Variants in STAP1 observed in about 807,000 individuals in gnomAD.
The protein encoded by STAP1 is signal-transducing adaptor protein 1.
A neutral mutation model predicts 37.8 loss-of-function variants in STAP1; 30 were observed. That is an observed-to-expected ratio of 0.79 (90% confidence interval 0.59 to 1.08). The LOEUF (loss-of-function observed/expected upper bound fraction) is 1.08. Ranked by LOEUF, STAP1 falls within the 50% of genes least tolerant of loss-of-function variation. The pLI, the probability that STAP1 is intolerant of heterozygous loss-of-function variation, is 0.00. For missense variants in STAP1, 357 were observed against 349.4 expected, an observed-to-expected ratio of 1.02 and a Z score of -0.17; for synonymous variants, 130 against 116.0, an observed-to-expected ratio of 1.12 and a Z score of -0.78.
chr4:67,604,386 C>T (rs1215865701), intron 8 of STAP1, among the ~76,000 whole-genome samples: 1 of 152,148 alleles, frequency 6.6e-6, no homozygotes, highest in Non-Finnish European at 1.5e-5. Context: ...CTAGTGTAGA[C>T]AGTTGTTTAA....
At position 67,575,493 on chromosome 4, in the gene STAP1, C is replaced by G. The variant is rs1050273148; in HGVS notation, c.301C>G (p.Leu101Val). 1 of 1,606,414 alleles carries G rather than the reference C, an allele frequency of 6.2e-7. No individual in the cohort carries two copies. Among genetic ancestry groups the G allele is most frequent in the Non-Finnish European group, 8.5e-7 (1 of 1,175,818 alleles). The stretch of plus-strand genomic sequence containing the variant: ...TGTTTTGCCGAAAGAGGAAGTACAA[C>G]TGAAGGTGAGCGAGGAGAAACAGTA... ...TLVLPKEEVQLKTENTESGEE... is the reference protein window; with the variant it reads ...TLVLPKEEVQVKTENTESGEE... The change falls in exon 3 of 9, where the codon CTG becomes GTG. Residue 101 changes from leucine to valine, a missense_variant. Physicochemically the swap from Leu to Val is conservative, Grantham distance 32. Coordinates refer to ENST00000265404, the MANE Select transcript of STAP1 (RefSeq NM_012108.4).
chr4:67,567,068 T>C (rs370691693), intron 1 of STAP1, among the ~76,000 whole-genome samples: 1 of 152,126 alleles, frequency 6.6e-6, no homozygotes, highest in Non-Finnish European at 1.5e-5. Context: ...GTTATAGCAA[T>C]AACACTTTAC....
chr4:67,582,289 A>G (rs1458001251), intron 5 of STAP1, among the ~76,000 whole-genome samples: 2 of 151,214 alleles, frequency 1.3e-5, no homozygotes, highest in African/African-American at 4.8e-5. Flanking sequence ...GATATTTGCT[A>G]TTAACATTTT....
At chr4:67,591,573 A>G (rs1436529772) in intron 7 of STAP1, among the ~76,000 whole-genome samples, 1 of 152,210 alleles carries the variant, frequency 6.6e-6, no homozygotes, top group Non-Finnish European at 1.5e-5. Context: ...ATGCTGAAAA[A>G]GAGAATATAG....
intron 6 of STAP1, among the ~76,000 whole-genome samples, chr4:67,585,179 T>C (rs1224199127): frequency 6.6e-6 from 1 of 152,208 alleles, no homozygotes; most frequent in African/African-American, 2.4e-5. Context: ...TTAATATATA[T>C]GCATAAACAG....
chr4:67,593,240 C>T lies in STAP1; in HGVS notation c.730-20C>T, dbSNP rs1215276905. 1.9e-6 allele frequency: 3 copies of T among 1,574,172 alleles called. No homozygotes were observed. Among genetic ancestry groups the T allele is most frequent in the Admixed American group, 3.6e-5 (2 of 56,278 alleles). On this transcript the variant is annotated intron_variant, in intron 7 of 8. Transcript: ENST00000265404. ...TTATGCAGGTGATGCTGAGTTTTCT[C>T]TCACTCTCTATTAATACAGGTAACA...
In STAP1 at chr4:67,607,100, T is replaced by C. The variant is rs750311193; in HGVS notation, c.*743T>C. The C allele has an allele frequency of 1.3e-5, 2 of 152,198 alleles. No individual in the cohort carries two copies. The highest frequency in any genetic ancestry group is 2.4e-5 in the African/African-American group (1 of 41,440). The allele number at this position is 152,198 out of a possible 1,614,324, so 9.4% of individuals were successfully genotyped here. ...GGGATATTTTTTCATAATTTTTTTC[T>C]TCAAAAGCAAACTTCTAAATTGATT... is the stretch of plus-strand genomic sequence containing the variant. On this transcript the variant is annotated 3_prime_UTR_variant, in exon 9 of 9. Transcript: ENST00000265404.
chr4:67,578,097 G>A (rs1727766515), intron 4 of STAP1, among the ~76,000 whole-genome samples: 1 of 152,046 alleles, frequency 6.6e-6, no homozygotes, highest in Admixed American at 6.5e-5. Context: ...AAAACAACAG[G>A]ATGCTTATCT....
intron 7 of STAP1, among the ~76,000 whole-genome samples, chr4:67,592,058 A>T (rs17557015): frequency 0.14 from 21,135 of 151,942 alleles, 1,755 homozygotes; most frequent in Non-Finnish European, 0.19. Flanking sequence ...AACAGCCTGG[A>T]TTATTCTTTC....
intron 1 of STAP1, among the ~76,000 whole-genome samples, chr4:67,567,257 T>G (rs567958478): frequency 6.6e-6 from 1 of 152,352 alleles, no homozygotes; most frequent in East Asian, 1.9e-4. Flanking sequence ...GACCATTTAT[T>G]GGCTGATCCT....
At chr4:67,571,970 T>A (rs2109858683) in intron 2 of STAP1, among the ~76,000 whole-genome samples, 1 of 152,372 alleles carries the variant, frequency 6.6e-6, no homozygotes, top group South Asian at 2.1e-4. Flanking sequence ...CCCACTGATG[T>A]CAGTAAATGT....
chr4:67,598,200 C>G (rs1037140444), intron 8 of STAP1, among the ~76,000 whole-genome samples: 5 of 152,166 alleles, frequency 3.3e-5, no homozygotes, highest in African/African-American at 1.2e-4. Flanking sequence ...CTTGCACTCT[C>G]TTTTTCTCTT....
At chr4:67,601,360 A>G (rs558598481) in intron 8 of STAP1, among the ~76,000 whole-genome samples, 3 of 152,114 alleles carry the variant, frequency 2.0e-5, no homozygotes, top group Admixed American at 2.0e-4. Context: ...TCATCTTTTA[A>G]TCTTTCTATT....
At chr4:67,584,155 C>G (rs1014859463) in intron 6 of STAP1, among the ~76,000 whole-genome samples, 3 of 149,016 alleles carry the variant, frequency 2.0e-5, no homozygotes, top group African/African-American at 7.4e-5. Context: ...AAAAGCAATG[C>G]TAAAGACTGA....
chr4:67,581,395 ACAGAG>A lies in STAP1; in HGVS notation c.460_464del (p.Gln154TyrfsTer11). The A allele has an allele frequency of 1.2e-6, 2 of 1,614,130 alleles. No homozygotes were observed. The highest frequency in any genetic ancestry group is 1.7e-6 in the Non-Finnish European group (2 of 1,179,976). ...GAGAGAAAAGAAAAGGAGGATTGAG[ACAGAG>A]CAGAGTACGTCCGTGGAAAAAGAGA... is the stretch of plus-strand genomic sequence containing the variant. On this transcript the variant is annotated frameshift_variant, in exon 5 of 9. Coordinates refer to ENST00000265404, the MANE Select transcript of STAP1 (RefSeq NM_012108.4). LOFTEE classifies it high-confidence loss of function.
chr4:67,576,974 T>TA (rs1471170653), intron 3 of STAP1, among the ~76,000 whole-genome samples: 2 of 152,178 alleles, frequency 1.3e-5, no homozygotes, highest in African/African-American at 4.8e-5. Flanking sequence ...TTTTTTTGAG[T>TA]AAATTTGTAC....
chr4:67,594,702 G>T (rs1050715965), intron 8 of STAP1, among the ~76,000 whole-genome samples: 5 of 151,898 alleles, frequency 3.3e-5, no homozygotes, highest in African/African-American at 1.2e-4. Context: ...CTAAATTATT[G>T]GTTCCTGAAT....
chr4:67,588,134 T>G (rs181178438), intron 6 of STAP1, among the ~76,000 whole-genome samples: 13 of 152,098 alleles, frequency 8.5e-5, no homozygotes, highest in Admixed American at 1.3e-4. Context: ...CAATCTTGTT[T>G]TTTTCATCTC....
intron 6 of STAP1, among the ~76,000 whole-genome samples, chr4:67,583,933 C>A (rs1727924166): frequency 6.6e-6 from 1 of 151,774 alleles, no homozygotes; most frequent in Non-Finnish European, 1.5e-5. Flanking sequence ...CCCGTCTTTA[C>A]TAAAAATACA....
Sources: gnomAD v4.1 joint callset for allele counts (sites outside exome capture counted in the v4.1 genomes callset) on GRCh38, gnomAD v4.1.1 for gene constraint, MANE v1.5 for transcripts, NCBI Gene and HGNC (gene_info 2026-07-23, HGNC 2026-07-21) for gene names.